The following OLA1 variants were observed in gnomAD, a reference collection of about 807,000 sequenced individuals.
The protein encoded by OLA1 is obg-like ATPase 1.
In OLA1, 14 loss-of-function variants were observed where a neutral mutation model predicts 48.4. The observed-to-expected ratio is 0.29, with a 90% CI of 0.19 to 0.45. The LOEUF is 0.45. Among genes scored for constraint, OLA1 ranks in the 20% least tolerant of loss-of-function variants. The pLI is 1.00. For missense variants in OLA1, 325 were observed against 467.1 expected, an observed-to-expected ratio of 0.70 and a Z score of 2.80; for synonymous variants, 127 against 150.4, an observed-to-expected ratio of 0.84 and a Z score of 1.14.
At chr2:174,225,122 T>C (rs1375257220) in intron 3 of OLA1, among the ~76,000 whole-genome samples, 2 of 152,288 alleles carry the variant, frequency 1.3e-5, no homozygotes, top group East Asian at 1.9e-4. Flanking sequence ...TCCATAGTAA[T>C]GAGTGAGTTC....
rs1463697036 is a variant in OLA1 at position 174,103,948 on chromosome 2, G to GCTTCCACA, written c.728+19231_728+19232insTGTGGAAG. Among the ~76,000 whole-genome samples the GCTTCCACA allele has an allele frequency of 2.7e-3, 417 of 152,166 alleles. 1 individual carries two copies. The highest frequency in any genetic ancestry group is 4.6e-3 in the Admixed American group (71 of 15,270). ...GAAGCACAGAGTCATCCATCGTAGG[G>GCTTCCACA]GGAAGTGGTATGGGTAAAGCAGACC... On this transcript the variant is annotated intron_variant, in intron 7 of 10. Coordinates refer to ENST00000284719, the MANE Select transcript of OLA1 (RefSeq NM_013341.5).
chr2:174,165,325 A>G (rs989543636), intron 4 of OLA1, among the ~76,000 whole-genome samples: 62 of 152,216 alleles, frequency 4.1e-4, no homozygotes, highest in African/African-American at 1.4e-3. Context: ...ATGTTTAAGG[A>G]AAATACATCC....
At chr2:174,222,924 G>A in intron 4 of OLA1, 109 bp downstream of exon 4, 1 of 1,165,922 alleles carries the variant, frequency 8.6e-7, no homozygotes, top group Non-Finnish European at 1.2e-6. Context: ...GATTCATCTG[G>A]TAAAGCAAAG....
At chr2:174,227,329 G>T (rs146636073) in intron 3 of OLA1, among the ~76,000 whole-genome samples, 1 of 152,186 alleles carries the variant, frequency 6.6e-6, no homozygotes, top group East Asian at 1.9e-4. Flanking sequence ...GCATATTATT[G>T]GAACAACTGA....
chr2:174,135,160 C>CA (rs71405180), intron 5 of OLA1, among the ~76,000 whole-genome samples: 2,825 of 85,782 alleles, frequency 0.033, 91 homozygotes, highest in African/African-American at 0.066. Context: ...ACTCCGCCTC[C>CA]AAAAAAAAAA....
At chr2:174,208,727 A>T (rs1157708013) in intron 4 of OLA1, among the ~76,000 whole-genome samples, 4 of 152,192 alleles carry the variant, frequency 2.6e-5, no homozygotes, top group Admixed American at 2.6e-4. Flanking sequence ...TGCTCTGTTT[A>T]CTCTACATAT....
chr2:174,165,096 T>C (rs1373513571), intron 4 of OLA1, among the ~76,000 whole-genome samples: 2 of 152,220 alleles, frequency 1.3e-5, no homozygotes, highest in African/African-American at 2.4e-5. Flanking sequence ...AAACCATGTA[T>C]CTTATCTTCT....
At chr2:174,147,974 C>G (rs1315194426) in intron 4 of OLA1, among the ~76,000 whole-genome samples, 2 of 152,156 alleles carry the variant, frequency 1.3e-5, no homozygotes, top group African/African-American at 4.8e-5. Flanking sequence ...CAGGTGCGTG[C>G]CACCATGTGT....
At chr2:174,095,112 G>A (rs963800519) in intron 7 of OLA1, among the ~76,000 whole-genome samples, 2 of 152,132 alleles carry the variant, frequency 1.3e-5, no homozygotes, top group African/African-American at 4.8e-5. Context: ...TAATGAACAT[G>A]GGTGTGCAAA....
chr2:174,205,112 A>G (rs1260049006), intron 4 of OLA1, among the ~76,000 whole-genome samples: 1 of 152,196 alleles, frequency 6.6e-6, no homozygotes, highest in Non-Finnish European at 1.5e-5. Context: ...CCTTATTGGT[A>G]TATCTTCCTC....
chr2:174,227,133 A>G (rs1688633337), intron 3 of OLA1, among the ~76,000 whole-genome samples: 1 of 152,086 alleles, frequency 6.6e-6, no homozygotes, highest in South Asian at 2.1e-4. Flanking sequence ...GGCCAGGCAC[A>G]GTAGTTCATG....
At chr2:174,143,720 A>G (rs949028558) in intron 4 of OLA1, among the ~76,000 whole-genome samples, 1 of 152,246 alleles carries the variant, frequency 6.6e-6, no homozygotes, top group Non-Finnish European at 1.5e-5. Flanking sequence ...CAAAGAAAAC[A>G]AAGCCCTCTG....
intron 2 of OLA1, among the ~76,000 whole-genome samples, chr2:174,231,852 T>G (rs1278781877): frequency 6.6e-6 from 1 of 152,242 alleles, no homozygotes; most frequent in South Asian, 2.1e-4. Context: ...AAAGACATTT[T>G]GATCTATTCA....
rs534673417 is a variant in OLA1, at chr2:174,171,032, A to G, written c.374-29032T>C. Among the ~76,000 whole-genome samples, 5 of 152,376 alleles carry G rather than the reference A, an allele frequency of 3.3e-5. No individual in the cohort carries two copies. In the South Asian group the frequency reaches 1.0e-3, roughly 32 times the overall value. ...AATAAAAAGTACTGCATATTTTTAA[A>G]TGAGAAAAAAGTAAATTCATCCAAA... On this transcript the variant is annotated intron_variant, in intron 4 of 10. Transcript: ENST00000284719.
intron 5 of OLA1, among the ~76,000 whole-genome samples, chr2:174,132,691 T>C (rs1686212100): frequency 6.6e-6 from 1 of 152,194 alleles, no homozygotes; most frequent in Non-Finnish European, 1.5e-5. Context: ...TTCCATAGTG[T>C]TCAGGTAATA....
At position 174,163,405 on chromosome 2, in the gene OLA1, AT is replaced by A. The variant is rs1687059334; in HGVS notation, c.374-21406del. On this transcript the variant is annotated intron_variant, in intron 4 of 10. Transcript: ENST00000284719. ...TCAATTTTATTAATTAAAAATAAAT[AT>A]GCCGGGTGTGGTGGCTCACGCCTGT... Among the ~76,000 whole-genome samples the A allele has an allele frequency of 3.9e-5, 6 of 152,110 alleles. No individual in the cohort carries two copies. The East Asian group carries it at 1.2e-3, about 30-fold the overall frequency.
At chr2:174,112,502 G>C (rs564050789) in intron 7 of OLA1, among the ~76,000 whole-genome samples, 3 of 152,280 alleles carry the variant, frequency 2.0e-5, no homozygotes, top group South Asian at 2.1e-4. Flanking sequence ...GCTGTGGTTT[G>C]AATGTGCCCC....
At chr2:174,177,298 T>C (rs917357388) in intron 4 of OLA1, among the ~76,000 whole-genome samples, 1 of 152,154 alleles carries the variant, frequency 6.6e-6, no homozygotes, top group African/African-American at 2.4e-5. Context: ...TGGCAGCCTA[T>C]TAGAATTCAA....
At chr2:174,083,511 A>G (rs1275362688) in intron 7 of OLA1, among the ~76,000 whole-genome samples, 1 of 152,110 alleles carries the variant, frequency 6.6e-6, no homozygotes, top group Admixed American at 6.5e-5. Flanking sequence ...AAATGGACCA[A>G]GTCCTATGAT....
Sources: allele counts gnomAD v4.1 joint callset (sites outside exome capture counted in the v4.1 genomes callset), GRCh38; gene constraint gnomAD v4.1.1; transcripts MANE v1.5; gene names NCBI Gene and HGNC (gene_info 2026-07-23, HGNC 2026-07-21).